Variants in MARCHF6 observed in about 807,000 individuals in gnomAD.
The protein encoded by MARCHF6 is membrane associated ring-CH-type finger 6.
A neutral mutation model predicts 133.7 loss-of-function variants in MARCHF6; 31 were observed. The observed-to-expected ratio is 0.23, with a 90% CI of 0.17 to 0.31. The LOEUF is 0.31. Ranked by LOEUF, MARCHF6 falls within the 10% of genes least tolerant of loss-of-function variation. The pLI is 1.00. For synonymous variants in MARCHF6, 395 were observed against 402.5 expected (o/e 0.98, Z 0.22); for missense variants, 723 against 1,121.6 (o/e 0.64, Z 5.08).
chr5:10,360,145 T>TC (rs1317664230), intron 1 of MARCHF6, among the ~76,000 whole-genome samples: 1 of 11,394 alleles, frequency 8.8e-5, no homozygotes, highest in Non-Finnish European at 5.8e-4. Context: ...TGTGTGTGTG[T>TC]TTTTTTTTTT....
chr5:10,394,114 C>A lies in MARCHF6; in HGVS notation c.799C>A (p.Arg267=). ...GAATTGGAATGCTTTAGAATGGGAC[C>A]GAGCTGCTGAAGAGCTTACATGGGA... ...DMNWNALEWD[R]AAEELTWERM... Residue 267 remains arginine (R), a synonymous_variant, in exon 8 of 26, where the codon CGA becomes AGA. Coordinates refer to ENST00000274140, the MANE Select transcript of MARCHF6 (RefSeq NM_005885.4). The A allele has an allele frequency of 6.4e-7, 1 of 1,571,010 alleles. No individual in the cohort carries two copies. The highest frequency in any genetic ancestry group is 8.6e-7 in the Non-Finnish European group (1 of 1,157,006).
intron 5 of MARCHF6, 33 bp downstream of exon 5, chr5:10,387,099 T>C (rs751281697): frequency 1.4e-6 from 2 of 1,449,042 alleles, no homozygotes; most frequent in Non-Finnish European, 1.9e-6. Context: ...GAATGTTGCA[T>C]GATGTAGATG....
At position 10,391,641 on chromosome 5, in the gene MARCHF6, G is replaced by A; in HGVS notation, c.676G>A (p.Asp226Asn). ...GGTGGGGGAAAACCCTGATGCCCAG[G>A]ATGACCAGGCAGAAGAGGAGGAGGA... Reference protein sequence around the residue: ...AVVGENPDAQDDQAEEEEEDN... With the variant: ...AVVGENPDAQNDQAEEEEEDN... Residue 226 changes from aspartate (D) to asparagine (N), a missense_variant, in exon 7 of 26, where the codon GAT becomes AAT. Transcript: ENST00000274140. 1 of 1,611,870 alleles carries A rather than the reference G, an allele frequency of 6.2e-7. No homozygotes were observed. Among genetic ancestry groups the A allele is most frequent in the Admixed American group, 1.7e-5 (1 of 59,568 alleles).
chr5:10,411,577 T>C, intron 19 of MARCHF6, 40 bp downstream of exon 19: 4 of 1,534,262 alleles, frequency 2.6e-6, no homozygotes, highest in Non-Finnish European at 3.5e-6. Flanking sequence ...AGAGGTTTTT[T>C]TGGTTTTTTT....
chr5:10,434,350 G>A lies in MARCHF6; in HGVS notation c.*666G>A, dbSNP rs1414055170. Reference sequence around the variant, plus strand: ...AATATTGTATAGTATCTTGTGCTAGGTGAGGAAATTATTTTTAATTTTGAT... The same window carrying A: ...AATATTGTATAGTATCTTGTGCTAGATGAGGAAATTATTTTTAATTTTGAT... On this transcript the variant is annotated 3_prime_UTR_variant, in exon 26 of 26. Coordinates refer to ENST00000274140, the MANE Select transcript of MARCHF6 (RefSeq NM_005885.4). 6.6e-6 allele frequency: 1 copy of A among 152,540 alleles called. No homozygotes were observed. Among genetic ancestry groups the A allele is most frequent in the Non-Finnish European group, 1.5e-5 (1 of 68,060 alleles). The allele number at this position is 152,540 out of a possible 1,614,324, so 9.4% of individuals were successfully genotyped here.
At chr5:10,432,645 C>T (rs1051980562) in intron 25 of MARCHF6, among the ~76,000 whole-genome samples, 1 of 152,236 alleles carries the variant, frequency 6.6e-6, no homozygotes, top group African/African-American at 2.4e-5. Flanking sequence ...ATCTCCTGCC[C>T]TGTCACTCCA....
chr5:10,426,798 C>T (rs1317455446), intron 24 of MARCHF6, among the ~76,000 whole-genome samples: 2 of 152,168 alleles, frequency 1.3e-5, no homozygotes, highest in African/African-American at 2.4e-5. Context: ...AGATTTCCTT[C>T]AGGTTGTCTT....
intron 16 of MARCHF6, among the ~76,000 whole-genome samples, chr5:10,406,151 G>A (rs868741180): frequency 1.6e-4 from 24 of 152,206 alleles, no homozygotes; most frequent in African/African-American, 5.5e-4. Flanking sequence ...ATGATCTGAA[G>A]CAGAACAGTT....
At chr5:10,407,653 A>G (rs553555761) in intron 17 of MARCHF6, among the ~76,000 whole-genome samples, 1 of 152,150 alleles carries the variant, frequency 6.6e-6, no homozygotes, top group East Asian at 1.9e-4. Flanking sequence ...TTTTTGCTTT[A>G]AAAACTTAAG....
chr5:10,397,428 A>AT, intron 10 of MARCHF6, 84 bp downstream of exon 10: 5 of 1,012,754 alleles, frequency 4.9e-6, no homozygotes, highest in Middle Eastern at 2.8e-4. Flanking sequence ...GTTTATTATT[A>AT]TTTTTTAACA....
At chr5:10,410,303 A>G (rs1357178697) in intron 18 of MARCHF6, 27 bp downstream of exon 18, 2 of 1,607,588 alleles carry the variant, frequency 1.2e-6, no homozygotes, top group East Asian at 2.2e-5. Flanking sequence ...GACTCCTTGG[A>G]CATGCATGTC....
intron 5 of MARCHF6, among the ~76,000 whole-genome samples, chr5:10,389,719 A>G (rs1737705799): frequency 6.6e-6 from 1 of 152,202 alleles, no homozygotes; most frequent in Non-Finnish European, 1.5e-5. Context: ...AAACTTCTAT[A>G]AAATTTATAA....
chr5:10,383,467 G>A (rs1579554747), intron 4 of MARCHF6, among the ~76,000 whole-genome samples: 1 of 152,182 alleles, frequency 6.6e-6, no homozygotes, highest in Non-Finnish European at 1.5e-5. Context: ...TATAGAGATT[G>A]TATGCTTCCA....
At chr5:10,364,419 A>G (rs1736005472) in intron 1 of MARCHF6, among the ~76,000 whole-genome samples, 1 of 152,134 alleles carries the variant, frequency 6.6e-6, no homozygotes. Context: ...GTTCATTAAA[A>G]CAAAACTACT....
At chr5:10,402,261 G>A (rs2126763300) in intron 12 of MARCHF6, 122 bp downstream of exon 12, 1 of 1,103,146 alleles carries the variant, frequency 9.1e-7, no homozygotes, top group East Asian at 2.4e-5. Context: ...TTTGCAGTAA[G>A]GGTCAGTGTG....
chr5:10,390,348 G>A lies in MARCHF6; in HGVS notation c.424G>A (p.Asp142Asn), dbSNP rs1179387278. The stretch of plus-strand genomic sequence containing the variant: ...TTTTAATAGGGAAAATTTGTTGGCA[G>A]ATTGTTTGCAGGGTTGTTTTGTGGT... Reference protein sequence around the residue: ...DMLSTENLLADCLQGCFVVTC... With the variant: ...DMLSTENLLANCLQGCFVVTC... The change falls in exon 6 of 26, where the codon GAT (aspartate) becomes AAT (asparagine). Residue 142 changes from aspartate (D) to asparagine (N), a missense_variant. Asp to Asn is a conservative substitution (Grantham distance 23). Transcript: ENST00000274140. The A allele has an allele frequency of 3.7e-6, 6 of 1,611,738 alleles. No individual in the cohort carries two copies. The highest frequency in any genetic ancestry group is 5.1e-6 in the Non-Finnish European group (6 of 1,179,344).
rs1475165644 is a variant in MARCHF6, at chr5:10,435,075, A to G, written c.*1391A>G. 6.6e-6 allele frequency: 1 copy of G among 152,646 alleles called. No homozygotes were observed. 9.5% of individuals were successfully genotyped at this position (152,646 alleles called of 1,614,324 possible). A position where few individuals can be genotyped will look rare whatever the true frequency, so the allele number is the denominator to read the frequency against. On this transcript the variant is annotated 3_prime_UTR_variant, in exon 26 of 26. Transcript: ENST00000274140. ...TTTGAACGATAATTTAGAAGTTCTC[A>G]TAGAAAGCGTATAACATAGGTCTTC...
At chr5:10,369,481 G>A (rs931182013) in intron 1 of MARCHF6, among the ~76,000 whole-genome samples, 6 of 151,668 alleles carry the variant, frequency 4.0e-5, no homozygotes, top group African/African-American at 1.5e-4. Context: ...AAGGCCTGTC[G>A]ATTTCATTTT....
At chr5:10,376,349 C>T (rs897423923) in intron 1 of MARCHF6, among the ~76,000 whole-genome samples, 1 of 151,614 alleles carries the variant, frequency 6.6e-6, no homozygotes, top group Non-Finnish European at 1.5e-5. Context: ...TGCAGCTTCA[C>T]TCCTGAGCCA....
Sources: allele counts gnomAD v4.1 joint callset (sites outside exome capture counted in the v4.1 genomes callset), GRCh38; gene constraint gnomAD v4.1.1; transcripts MANE v1.5; gene names NCBI Gene and HGNC (gene_info 2026-07-23, HGNC 2026-07-21).